The following ITGA2 variants were observed in gnomAD, a reference collection of about 807,000 sequenced individuals.
ITGA2 encodes integrin subunit alpha 2.
A neutral mutation model predicts 146.3 loss-of-function variants in ITGA2; 101 were observed. The ratio of observed to expected loss-of-function variants is 0.69; its 90% CI spans 0.59 to 0.81. The LOEUF is 0.81. ITGA2 is among the 40% of genes least tolerant of loss of function. The probability of loss-of-function intolerance (pLI) is 0.00; values close to 1 mark genes in which losing one functional copy is unlikely to be tolerated. For synonymous variants in ITGA2, 477 were observed against 487.1 expected, an observed-to-expected ratio of 0.98 and a Z score of 0.27; for missense variants, 1,281 against 1,402.7, an observed-to-expected ratio of 0.91 and a Z score of 1.39.
intron 1 of ITGA2, among the ~76,000 whole-genome samples, chr5:53,022,788 A>C (rs1742752295): frequency 1.3e-5 from 2 of 152,126 alleles, no homozygotes; most frequent in African/African-American, 4.8e-5. Flanking sequence ...ACGGTCTTGC[A>C]CTCCTGGATT....
At chr5:53,065,196 C>A in intron 14 of ITGA2, 81 bp downstream of exon 14, 2 of 1,341,578 alleles carry the variant, frequency 1.5e-6, no homozygotes, top group Non-Finnish European at 2.1e-6. Flanking sequence ...GTAAACCATG[C>A]AATCCGTCCG....
At chr5:52,989,897 G>C (rs182033116) in intron 1 of ITGA2, among the ~76,000 whole-genome samples, 120 of 151,848 alleles carry the variant, frequency 7.9e-4, no homozygotes, top group African/African-American at 2.8e-3. Flanking sequence ...CCTGGAGACC[G>C]CGAGTCCTGC....
intron 7 of ITGA2, 119 bp downstream of exon 7, chr5:53,051,678 A>C: frequency 9.9e-7 from 1 of 1,011,772 alleles, no homozygotes; most frequent in Non-Finnish European, 1.5e-6. Flanking sequence ...CCTAATTTAA[A>C]TCAGAACTAA....
At chr5:53,083,739 C>G (rs1365862818) in intron 27 of ITGA2, among the ~76,000 whole-genome samples, 1 of 152,184 alleles carries the variant, frequency 6.6e-6, no homozygotes, top group Non-Finnish European at 1.5e-5. Flanking sequence ...ATCTCTGCGG[C>G]CCTGGGCTAC....
chr5:53,073,985 TACAG>T (rs980987984), intron 20 of ITGA2, among the ~76,000 whole-genome samples: 6 of 120,690 alleles, frequency 5.0e-5, no homozygotes, highest in East Asian at 5.0e-4. Flanking sequence ...TTACTTAAAA[TACAG>T]ACAAACACCA....
Position 53,082,905 on chromosome 5 carries a change from G to A in ITGA2, c.3145-435G>A, listed in dbSNP as rs3212624. On this transcript the variant is annotated intron_variant, in intron 26 of 29. Coordinates refer to ENST00000296585, the MANE Select transcript of ITGA2 (RefSeq NM_002203.4). ...GTCAACTTGTTTAAAAACCTAGGGA[G>A]TCTATAATTAGGTTTAATGACAAAT... is the stretch of plus-strand genomic sequence containing the variant. 2.4e-3 allele frequency among the ~76,000 whole-genome samples: 369 copies of A among 152,258 alleles called. 3 individuals carry two copies. Among genetic ancestry groups the A allele is most frequent in the African/African-American group, 8.7e-3 (362 of 41,528 alleles).
chr5:53,054,249 A>T (rs1744522719), intron 7 of ITGA2, among the ~76,000 whole-genome samples: 1 of 152,078 alleles, frequency 6.6e-6, no homozygotes, highest in African/African-American at 2.4e-5. Flanking sequence ...AGATTGCCCC[A>T]TTTCCTACTG....
At chr5:53,020,110 C>T (rs1742600861) in intron 1 of ITGA2, among the ~76,000 whole-genome samples, 1 of 152,044 alleles carries the variant, frequency 6.6e-6, no homozygotes, top group South Asian at 2.1e-4. Context: ...CTCATTCCTG[C>T]ACTAAGAACA....
chr5:53,093,592 G>C lies in ITGA2; in HGVS notation c.*2993G>C, dbSNP rs1184367477. 1 of 152,158 alleles carries C rather than the reference G, an allele frequency of 6.6e-6. No individual in the cohort carries two copies. The highest frequency in any genetic ancestry group is 1.5e-5 in the Non-Finnish European group (1 of 68,044). The allele number at this position is 152,158 out of a possible 1,614,324, so 9.4% of individuals were successfully genotyped here. On this transcript the variant is annotated 3_prime_UTR_variant, in exon 30 of 30. Coordinates refer to ENST00000296585, the MANE Select transcript of ITGA2 (RefSeq NM_002203.4). ...AGACATTGTCAAATGCCTCCTGGGG[G>C]GCAGTATTTCTCAAGCACTTTTAAG...
intron 1 of ITGA2, among the ~76,000 whole-genome samples, chr5:53,008,215 C>G (rs1449501983): frequency 6.6e-6 from 1 of 151,438 alleles, no homozygotes; most frequent in Non-Finnish European, 1.5e-5. Flanking sequence ...ACTGAGGACT[C>G]TCATCCCGGC....
chr5:53,039,000 G>A (rs886264621), intron 2 of ITGA2, among the ~76,000 whole-genome samples: 2 of 152,210 alleles, frequency 1.3e-5, no homozygotes, highest in Non-Finnish European at 2.9e-5. Flanking sequence ...GGCTGAGGCA[G>A]GAGAATTACT....
chr5:53,019,618 T>G (rs1191359419), intron 1 of ITGA2, among the ~76,000 whole-genome samples: 1 of 152,132 alleles, frequency 6.6e-6, no homozygotes. Context: ...TTCCACCTCC[T>G]GGGTTCAAGC....
In ITGA2 at chr5:53,091,320, A is replaced by C. The variant is rs1109527; in HGVS notation, c.*721A>C. 134,408 of 152,616 alleles carry C rather than the reference A, an allele frequency of 0.88. 59,694 individuals are homozygous for C. The highest frequency in any genetic ancestry group is 0.93 in the Admixed American group (14,147 of 15,288). The allele number at this position is 152,616 out of a possible 1,614,324, so 9.5% of individuals were successfully genotyped here. A position where few individuals can be genotyped will look rare whatever the true frequency, so the allele number is the denominator to read the frequency against. On this transcript the variant is annotated 3_prime_UTR_variant, in exon 30 of 30. Transcript: ENST00000296585. ...GTTAGGAGAGGGGGCGATATAGAGA[A>C]TAAGGCACAAAATTTTGTTTAAAAC...
rs1054812735 is a variant in ITGA2 at position 53,024,145 on chromosome 5, A to C, written c.65-2603A>C. On this transcript the variant is annotated intron_variant, in intron 1 of 29. Coordinates refer to ENST00000296585, the MANE Select transcript of ITGA2 (RefSeq NM_002203.4). ...GCAAGAAAGACATTTAGCCTTCATG[A>C]GTTTCAGTTTCCTTATTTGTAATTT... Among the ~76,000 whole-genome samples the C allele has an allele frequency of 2.0e-5, 3 of 152,172 alleles. No individual in the cohort carries two copies. In the South Asian group the frequency reaches 6.2e-4, roughly 32 times the overall value.
Position 53,055,624 on chromosome 5 carries a change from G to A in ITGA2, c.866G>A (p.Gly289Asp). 3 of 1,613,190 alleles carry A rather than the reference G, an allele frequency of 1.9e-6. No individual in the cohort carries two copies. Among genetic ancestry groups the A allele is most frequent in the Non-Finnish European group, 1.7e-6 (2 of 1,179,344 alleles). Residue 289 changes from glycine (G) to aspartate (D), a missense_variant, in exon 8 of 30, where the codon GGT (glycine) becomes GAT (aspartate). Physicochemically the swap from Gly to Asp is moderately conservative, Grantham distance 94. Transcript: ENST00000296585. ...VVVTDGESHD[G>D]SMLKAVIDQC... Reference sequence around the variant, plus strand: ...GTAACTGACGGTGAATCACATGATGGTTCAATGTTGAAAGCTGTGATTGAT... The same window carrying A: ...GTAACTGACGGTGAATCACATGATGATTCAATGTTGAAAGCTGTGATTGAT...
In ITGA2 at chr5:53,070,101, T is replaced by C; in HGVS notation, c.2084-8T>C. On this transcript the variant is annotated splice_polypyrimidine_tract_variant and splice_region_variant and intron_variant, in intron 16 of 29. Coordinates refer to ENST00000296585, the MANE Select transcript of ITGA2 (RefSeq NM_002203.4). ...AATAACATTTCTTTATGATTTTTTT[T>C]ATCATAGCCATTGTATATAACATCA... is the stretch of plus-strand genomic sequence containing the variant. The C allele has an allele frequency of 6.2e-7, 1 of 1,605,202 alleles. No homozygotes were observed. Among genetic ancestry groups the C allele is most frequent in the South Asian group, 1.1e-5 (1 of 90,796 alleles).
In ITGA2 at chr5:53,078,993, T is replaced by C. The variant is rs41268441; in HGVS notation, c.2928+119T>C. 2.1e-3 allele frequency: 1,501 copies of C among 703,352 alleles called. 4 individuals are homozygous for C. The highest frequency in any genetic ancestry group is 3.4e-3 in the Non-Finnish European group (1,340 of 389,516). The allele number at this position is 703,352 out of a possible 1,614,324, so 43.6% of individuals were successfully genotyped here. A position where few individuals can be genotyped will look rare whatever the true frequency, so the allele number is the denominator to read the frequency against. ...GAAAGAGATCCGTGGTTCTCAAACTTGGGTGTGCATTACAATCACCTGGAG... is the reference window on the plus strand; with the variant it reads ...GAAAGAGATCCGTGGTTCTCAAACTCGGGTGTGCATTACAATCACCTGGAG... On this transcript the variant is annotated intron_variant, in intron 24 of 29. Coordinates refer to ENST00000296585, the MANE Select transcript of ITGA2 (RefSeq NM_002203.4).
intron 13 of ITGA2, among the ~76,000 whole-genome samples, chr5:53,064,050 GA>G (rs1203332169): frequency 8.6e-5 from 13 of 151,768 alleles, no homozygotes; most frequent in African/African-American, 2.4e-4. Context: ...TAAAATTGAA[GA>G]AAAAAACTGT....
chr5:53,045,212 A>T, intron 4 of ITGA2, 120 bp downstream of exon 4: 1 of 786,792 alleles, frequency 1.3e-6, no homozygotes, highest in Non-Finnish European at 2.2e-6. Flanking sequence ...TTGATAAATT[A>T]TGCTATTTAT....
Sources: allele counts gnomAD v4.1 joint callset (sites outside exome capture counted in the v4.1 genomes callset), GRCh38; gene constraint gnomAD v4.1.1; transcripts MANE v1.5; gene names NCBI Gene and HGNC (gene_info 2026-07-23, HGNC 2026-07-21).